LRRC7: variants seen among roughly 807,000 people sequenced by gnomAD.
LRRC7 encodes leucine rich repeat containing 7, also known as leucine-rich repeat-containing protein 7.
A neutral mutation model predicts 175.7 loss-of-function variants in LRRC7; 23 were observed. That is an observed-to-expected ratio of 0.13 (90% confidence interval 0.09 to 0.19). The LOEUF (loss-of-function observed/expected upper bound fraction) is 0.19, where lower values mean the gene tolerates loss of function less well. Ranked by LOEUF, LRRC7 falls within the 10% of genes least tolerant of loss-of-function variation. The pLI is 1.00. For missense variants in LRRC7, 1,354 were observed against 1,904.7 expected (o/e 0.71, Z 5.38); for synonymous variants, 685 against 680.9 (o/e 1.01, Z -0.09).
At chr1:69,917,910 T>G (rs1004803930) in intron 7 of LRRC7, among the ~76,000 whole-genome samples, 1 of 152,204 alleles carries the variant, frequency 6.6e-6, no homozygotes, top group Admixed American at 6.5e-5. Context: ...ATATCTCAAC[T>G]TTAGAATTAC....
chr1:69,978,074 G>A (rs1653012586), intron 8 of LRRC7, among the ~76,000 whole-genome samples: 1 of 152,052 alleles, frequency 6.6e-6, no homozygotes, highest in African/African-American at 2.4e-5. Flanking sequence ...GAGGCAGGTG[G>A]ATCACCTGAA....
intron 1 of LRRC7, among the ~76,000 whole-genome samples, chr1:69,632,931 T>TA: frequency 6.6e-6 from 1 of 152,236 alleles, no homozygotes; most frequent in African/African-American, 2.4e-5. Context: ...AATTTCCAAA[T>TA]AATTGAAAGT....
rs1452378701 is a variant in LRRC7, at chr1:70,128,453, T to C, written c.*6566T>C. ...CAGGTTGAATAAGCAGCCTAACAAA[T>C]AGCCAAGTATCTTTACATCCAGAGT... On this transcript the variant is annotated 3_prime_UTR_variant, in exon 27 of 27. Coordinates refer to ENST00000651989, the MANE Select transcript of LRRC7 (RefSeq NM_001370785.2). The C allele has an allele frequency of 6.6e-6, 1 of 152,188 alleles. No homozygotes were observed. The highest frequency in any genetic ancestry group is 1.5e-5 in the Non-Finnish European group (1 of 68,020). The allele number at this position is 152,188 out of a possible 1,614,324, so 9.4% of individuals were successfully genotyped here.
rs1242046629 is a variant in LRRC7, at chr1:69,939,025, ATATATCTATATATATCTATATC to A, written c.711+7459_711+7480del. 5.9e-3 allele frequency among the ~76,000 whole-genome samples: 536 copies of A among 91,412 alleles called. 27 individuals are homozygous for A. The highest frequency in any genetic ancestry group is 0.015 in the African/African-American group (433 of 28,702). 60.0% of individuals were successfully genotyped at this position (91,412 alleles called of 152,430 possible). ...TATATATATATATATCTATATATAT[ATATATCTATATATATCTATATC>A]TATCTCACAGACATTGCCAGAAGTT... On this transcript the variant is annotated intron_variant, in intron 8 of 26. Transcript: ENST00000651989.
intron 11 of LRRC7, among the ~76,000 whole-genome samples, chr1:70,008,799 GT>G (rs1400473211): frequency 6.6e-6 from 1 of 152,162 alleles, no homozygotes; most frequent in African/African-American, 2.4e-5. Context: ...GGCAACACAT[GT>G]TTTGCTGTCT....
intron 7 of LRRC7, among the ~76,000 whole-genome samples, chr1:69,902,850 T>C (rs1646176072): frequency 6.6e-6 from 1 of 152,224 alleles, no homozygotes; most frequent in African/African-American, 2.4e-5. Context: ...TATGTAACTA[T>C]AATTACCCAT....
At chr1:69,592,428 AAG>A (rs749387066) in intron 1 of LRRC7, among the ~76,000 whole-genome samples, 2 of 152,130 alleles carry the variant, frequency 1.3e-5, no homozygotes, top group East Asian at 1.9e-4. Flanking sequence ...TACTCGAAAA[AAG>A]CTGACTTTTT....
At chr1:69,791,823 G>T (rs952654815) in intron 3 of LRRC7, among the ~76,000 whole-genome samples, 2 of 151,862 alleles carry the variant, frequency 1.3e-5, no homozygotes, top group Non-Finnish European at 2.9e-5. Flanking sequence ...GAATATCTTG[G>T]GTTTGAGTCT....
chr1:70,095,474 A>C (rs1664319570), intron 25 of LRRC7, among the ~76,000 whole-genome samples: 1 of 152,212 alleles, frequency 6.6e-6, no homozygotes, highest in Non-Finnish European at 1.5e-5. Flanking sequence ...TGGAGTAAAA[A>C]GTCCAAGATC....
rs1666646617 is a variant in LRRC7 at position 70,131,110 on chromosome 1, A to C, written c.*9223A>C. Among the ~76,000 whole-genome samples, 1 of 152,210 alleles carries C rather than the reference A, an allele frequency of 6.6e-6. No homozygotes were observed. Among genetic ancestry groups the C allele is most frequent in the Non-Finnish European group, 1.5e-5 (1 of 68,026 alleles). On this transcript the variant is annotated 3_prime_UTR_variant, in exon 27 of 27. Transcript: ENST00000651989. The stretch of plus-strand genomic sequence containing the variant: ...TTGATATGATTAACTATTTAGATAG[A>C]GCACAGAAAAAAAATCAGGGTTACC...
At chr1:70,068,662 A>G (rs1044401853) in intron 23 of LRRC7, among the ~76,000 whole-genome samples, 2 of 152,088 alleles carry the variant, frequency 1.3e-5, no homozygotes, top group African/African-American at 4.8e-5. Context: ...TTCATAAAAT[A>G]AAGAAGTATT....
chr1:69,970,445 A>G (rs533008709), intron 8 of LRRC7, among the ~76,000 whole-genome samples: 1 of 152,278 alleles, frequency 6.6e-6, no homozygotes, highest in East Asian at 1.9e-4. Flanking sequence ...GAAACGAGAG[A>G]TATTACAACT....
chr1:69,984,355 C>G (rs955748273), intron 9 of LRRC7, among the ~76,000 whole-genome samples: 11 of 151,930 alleles, frequency 7.2e-5, no homozygotes, highest in African/African-American at 2.7e-4. Flanking sequence ...GTGCCAAGTG[C>G]GAGCTTGTGT....
intron 2 of LRRC7, among the ~76,000 whole-genome samples, chr1:69,687,525 A>AG (rs1661315778): frequency 3.5e-5 from 5 of 142,490 alleles, no homozygotes; most frequent in Admixed American, 1.4e-4. Context: ...AAAACCAAAA[A>AG]AAAAAAAAAA....
intron 2 of LRRC7, among the ~76,000 whole-genome samples, chr1:69,717,521 G>A (rs1665511000): frequency 6.6e-6 from 1 of 151,580 alleles, no homozygotes; most frequent in Admixed American, 6.6e-5. Context: ...AGTCCTTAGT[G>A]TATTTGATTT....
chr1:69,790,501 A>C (rs1399612631), intron 3 of LRRC7, among the ~76,000 whole-genome samples: 1 of 152,060 alleles, frequency 6.6e-6, no homozygotes, highest in Non-Finnish European at 1.5e-5. Context: ...ATTAGCCTGA[A>C]CATGGCTTGA....
chr1:69,776,139 A>G (rs1309685212), intron 3 of LRRC7, among the ~76,000 whole-genome samples: 1 of 152,104 alleles, frequency 6.6e-6, no homozygotes, highest in African/African-American at 2.4e-5. Context: ...TTTCTCTCCT[A>G]TGTAAACTGG....
At chr1:69,823,671 G>C (rs191719825) in intron 4 of LRRC7, among the ~76,000 whole-genome samples, 1 of 151,986 alleles carries the variant, frequency 6.6e-6, no homozygotes, top group Admixed American at 6.6e-5. Flanking sequence ...AATTTTATAC[G>C]TTTATACCTG....
rs1296629030 is a variant in LRRC7, at chr1:70,133,597, C to T, written c.*11710C>T. The stretch of plus-strand genomic sequence containing the variant: ...AATTTGAAACAATGCTCTAAATTTA[C>T]ACAATTTAAGAAAAAAACAAGAGCT... On this transcript the variant is annotated 3_prime_UTR_variant, in exon 27 of 27. Transcript: ENST00000651989. Among the ~76,000 whole-genome samples, 2 of 152,082 alleles carry T rather than the reference C, an allele frequency of 1.3e-5. No homozygotes were observed. The highest frequency in any genetic ancestry group is 2.9e-5 in the Non-Finnish European group (2 of 68,022).
Sources: gnomAD v4.1 joint callset for allele counts (sites outside exome capture counted in the v4.1 genomes callset) on GRCh38, gnomAD v4.1.1 for gene constraint, MANE v1.5 for transcripts, NCBI Gene and HGNC (gene_info 2026-07-23, HGNC 2026-07-21) for gene names.